Variants in SMG6 observed in about 807,000 individuals in gnomAD.
The protein encoded by SMG6 is telomerase-binding protein EST1A.
Under a neutral mutation model 142.2 loss-of-function variants are expected in SMG6, and 66 were observed. The ratio of observed to expected loss-of-function variants is 0.46; its 90% CI spans 0.38 to 0.57. The LOEUF is 0.57. Among genes scored for constraint, SMG6 ranks in the 20% least tolerant of loss-of-function variants. SMG6 has a pLI of 0.00. For missense variants in SMG6, 1,793 were observed against 1,832.0 expected, an observed-to-expected ratio of 0.98 and a Z score of 0.39; for synonymous variants, 779 against 702.4, an observed-to-expected ratio of 1.11 and a Z score of -1.72.
rs763163188 is a variant in SMG6 at position 2,292,552 on chromosome 17, C to T, written c.2337G>A (p.Thr779=). 2 of 1,613,950 alleles carry T rather than the reference C, an allele frequency of 1.2e-6. No individual in the cohort carries two copies. The highest frequency in any genetic ancestry group is 1.7e-6 in the Non-Finnish European group (2 of 1,179,996). The change falls in exon 6 of 19, where the codon ACG becomes ACA. Residue 779 remains threonine (T), a splice_region_variant and synonymous_variant. Transcript: ENST00000263073. The part of the protein sequence containing the change: ...YNQLALLAVY[T]RRKLDAVYYY... ...TTCCCCTGTCCACAGGATTTCTTAC[C>T]GTATACACTGCCAGCAAAGCCAACT...
intron 13 of SMG6, among the ~76,000 whole-genome samples, chr17:2,086,243 C>G (rs1483043470): frequency 6.6e-6 from 1 of 152,184 alleles, no homozygotes; most frequent in Non-Finnish European, 1.5e-5. Context: ...TGGTCTAGAA[C>G]CAGCAGAGGG....
At chr17:2,179,169 G>A (rs567104756) in intron 12 of SMG6, among the ~76,000 whole-genome samples, 1 of 152,288 alleles carries the variant, frequency 6.6e-6, no homozygotes, top group African/African-American at 2.4e-5. Flanking sequence ...CCGGAGCCAG[G>A]GAGACTGGGT....
chr17:2,255,276 C>T (rs955754793), intron 8 of SMG6, among the ~76,000 whole-genome samples: 9 of 150,300 alleles, frequency 6.0e-5, no homozygotes, highest in African/African-American at 4.9e-5. Context: ...TGGTGGCGGG[C>T]GCCTGTAGTC....
intron 10 of SMG6, among the ~76,000 whole-genome samples, chr17:2,207,587 G>T (rs2072726990): frequency 1.3e-5 from 2 of 151,794 alleles, no homozygotes; most frequent in Non-Finnish European, 2.9e-5. Flanking sequence ...GTTTTAAAAA[G>T]ATCAATGATA....
chr17:2,301,424 T>C (rs2075273820), intron 1 of SMG6, among the ~76,000 whole-genome samples: 1 of 152,216 alleles, frequency 6.6e-6, no homozygotes, highest in Non-Finnish European at 1.5e-5. Context: ...GCTACTGTGA[T>C]GATGGAATTA....
chr17:2,298,147 C>T (rs1373953780), intron 2 of SMG6, 92 bp from the exon 3 acceptor site: 1 of 1,188,924 alleles, frequency 8.4e-7, no homozygotes, highest in African/African-American at 1.6e-5. Context: ...AACCACCTCC[C>T]CTGGCAGGAA....
chr17:2,155,917 G>A (rs779140626), intron 13 of SMG6, among the ~76,000 whole-genome samples: 16 of 152,072 alleles, frequency 1.1e-4, no homozygotes, highest in Non-Finnish European at 2.2e-4. Context: ...AGGGGAAGAA[G>A]CATTTCTGCT....
In SMG6 at chr17:2,160,727, G is replaced by A. The variant is rs560676899; in HGVS notation, c.3357+11931C>T. Among the ~76,000 whole-genome samples the A allele has an allele frequency of 9.4e-4, 143 of 152,160 alleles. 1 individual carries two copies. The highest frequency in any genetic ancestry group is 3.1e-3 in the African/African-American group (127 of 41,512). ...CGCCTATAGTCCCCAGCTACTCAAG[G>A]GACTGAGGTGGGAGGATTGCTTGAG... On this transcript the variant is annotated intron_variant, in intron 13 of 18. Transcript: ENST00000263073.
At chr17:2,254,333 C>T (rs532164761) in intron 8 of SMG6, among the ~76,000 whole-genome samples, 2 of 152,208 alleles carry the variant, frequency 1.3e-5, no homozygotes, top group East Asian at 3.9e-4. Flanking sequence ...AAGCTCAAAC[C>T]CATTTTTTTT....
chr17:2,266,373 G>A (rs778199402), intron 8 of SMG6, among the ~76,000 whole-genome samples: 140 of 152,268 alleles, frequency 9.2e-4, no homozygotes, highest in Non-Finnish European at 1.7e-3. Flanking sequence ...CTTAAGCTGG[G>A]AAATGGCAGA....
intron 10 of SMG6, among the ~76,000 whole-genome samples, chr17:2,222,024 G>A (rs1424841501): frequency 3.9e-5 from 6 of 152,146 alleles, no homozygotes; most frequent in Admixed American, 6.5e-5. Flanking sequence ...CGTCGGCCAC[G>A]GCACCTGGCC....
rs190670256 is a variant in SMG6 at position 2,158,390 on chromosome 17, C to T, written c.3357+14268G>A. Among the ~76,000 whole-genome samples the T allele has an allele frequency of 2.0e-3, 308 of 152,186 alleles. 2 individuals are homozygous for T. The highest frequency in any genetic ancestry group is 5.2e-3 in the African/African-American group (214 of 41,514). ...AGTATTGCTAGATAAGCATTCACTA[C>T]AAATGAGGTTTTATATTATTTCATC... On this transcript the variant is annotated intron_variant, in intron 13 of 18. Coordinates refer to ENST00000263073, the MANE Select transcript of SMG6 (RefSeq NM_017575.5).
intron 1 of SMG6, chr17:2,303,263 G>T: frequency 9.4e-7 from 1 of 1,059,220 alleles, no homozygotes; most frequent in Non-Finnish European, 1.1e-6. Flanking sequence ...CGCGGAGGGC[G>T]GCCTGGAGAG....
At chr17:2,159,352 C>A (rs1322373949) in intron 13 of SMG6, among the ~76,000 whole-genome samples, 2 of 152,116 alleles carry the variant, frequency 1.3e-5, no homozygotes, top group Non-Finnish European at 2.9e-5. Flanking sequence ...ATTGCTTTAA[C>A]CCAGGAGACG....
intron 10 of SMG6, among the ~76,000 whole-genome samples, chr17:2,219,888 C>T (rs1319916527): frequency 1.3e-5 from 2 of 151,640 alleles, no homozygotes; most frequent in African/African-American, 2.4e-5. Context: ...ATGCCAAAAC[C>T]CCTTCACCCA....
chr17:2,277,683 G>A (rs1183527259), intron 8 of SMG6, among the ~76,000 whole-genome samples: 1 of 152,144 alleles, frequency 6.6e-6, no homozygotes, highest in African/African-American at 2.4e-5. Flanking sequence ...AATAATTTAT[G>A]TTCAAATAAT....
intron 8 of SMG6, among the ~76,000 whole-genome samples, chr17:2,273,461 C>T (rs2074582639): frequency 6.6e-6 from 1 of 152,094 alleles, no homozygotes; most frequent in African/African-American, 2.4e-5. Context: ...GAGATTGAGG[C>T]CAGCCTGGCC....
intron 10 of SMG6, among the ~76,000 whole-genome samples, chr17:2,223,727 A>C (rs954947372): frequency 2.0e-5 from 3 of 152,180 alleles, no homozygotes; most frequent in African/African-American, 7.2e-5. Flanking sequence ...TAGCCCTCTA[A>C]GTGATATTCT....
chr17:2,182,898 G>T (rs78527888), intron 12 of SMG6, among the ~76,000 whole-genome samples: 1,746 of 151,880 alleles, frequency 0.011, 34 homozygotes, highest in African/African-American at 0.039. Context: ...AAATGGCCAG[G>T]GGGGTGGGGT....
Sources: gnomAD v4.1 joint callset for allele counts (sites outside exome capture counted in the v4.1 genomes callset) on GRCh38, gnomAD v4.1.1 for gene constraint, MANE v1.5 for transcripts, NCBI Gene and HGNC (gene_info 2026-07-23, HGNC 2026-07-21) for gene names.